The following ZBTB20 variants were observed in gnomAD, a reference collection of about 807,000 sequenced individuals.
ZBTB20 encodes the protein zinc finger and BTB domain containing 20, also known as zinc finger and BTB domain-containing protein 20.
A neutral mutation model predicts 56.9 loss-of-function variants in ZBTB20; 9 were observed. That is an observed-to-expected ratio of 0.16 (90% CI 0.10 to 0.28). ZBTB20 has a LOEUF of 0.28. ZBTB20 is among the 10% of genes least tolerant of loss of function. The probability of loss-of-function intolerance (pLI) is 1.00; values close to 1 mark genes in which losing one functional copy is unlikely to be tolerated. For missense variants in ZBTB20, 655 were observed against 1,003.0 expected, an observed-to-expected ratio of 0.65 and a Z score of 4.69; for synonymous variants, 417 against 420.7, an observed-to-expected ratio of 0.99 and a Z score of 0.11.
chr3:115,055,664 T>C (rs1178862295), intron 2 of ZBTB20, among the ~76,000 whole-genome samples: 1 of 152,092 alleles, frequency 6.6e-6, no homozygotes, highest in Non-Finnish European at 1.5e-5. Context: ...TAAAAAACAC[T>C]GTCCCTAGAA....
chr3:114,889,188 A>G (rs1392766784), intron 4 of ZBTB20, among the ~76,000 whole-genome samples: 2 of 151,996 alleles, frequency 1.3e-5, no homozygotes, highest in East Asian at 3.8e-4. Flanking sequence ...AATTGTATTC[A>G]TAATTTCCCT....
intron 3 of ZBTB20, among the ~76,000 whole-genome samples, chr3:114,946,313 T>C (rs1371086218): frequency 6.9e-6 from 1 of 145,706 alleles, no homozygotes; most frequent in African/African-American, 2.8e-5. Context: ...ATATAGAATA[T>C]CTTCTCTGAC....
At chr3:114,564,899 T>C (rs1166891451) in intron 6 of ZBTB20, among the ~76,000 whole-genome samples, 1 of 152,186 alleles carries the variant, frequency 6.6e-6, no homozygotes. Flanking sequence ...GAAATTCCCT[T>C]ATGTCACGCC....
chr3:114,592,306 C>G (rs570395318), intron 6 of ZBTB20, among the ~76,000 whole-genome samples: 33 of 152,232 alleles, frequency 2.2e-4, no homozygotes, highest in African/African-American at 7.9e-4. Flanking sequence ...TTCAGCAAAA[C>G]TTACATTGGG....
intron 5 of ZBTB20, among the ~76,000 whole-genome samples, chr3:114,792,389 CT>C (rs2071024210): frequency 6.6e-6 from 1 of 152,118 alleles, no homozygotes; most frequent in Non-Finnish European, 1.5e-5. Flanking sequence ...TATTTTTTAA[CT>C]GCCTTACTTT....
At chr3:114,462,265 TTC>T (rs1429463867) in intron 7 of ZBTB20, among the ~76,000 whole-genome samples, 2 of 152,168 alleles carry the variant, frequency 1.3e-5, no homozygotes, top group African/African-American at 2.4e-5. Context: ...AGATGTCCAA[TTC>T]TCCAGGCCAA....
chr3:115,132,349 G>T (rs2084531177), intron 1 of ZBTB20, among the ~76,000 whole-genome samples: 2 of 152,146 alleles, frequency 1.3e-5, no homozygotes, highest in African/African-American at 4.8e-5. Context: ...TTCCTCCAGA[G>T]CAGAGTTGTT....
chr3:115,018,050 C>G (rs958602041), intron 2 of ZBTB20, among the ~76,000 whole-genome samples: 1 of 151,246 alleles, frequency 6.6e-6, no homozygotes, highest in African/African-American at 2.4e-5. Context: ...TTTTTAATCT[C>G]TTAAAGTTGC....
intron 7 of ZBTB20, among the ~76,000 whole-genome samples, chr3:114,398,169 C>CT (rs1011443956): frequency 6.6e-6 from 1 of 152,106 alleles, no homozygotes; most frequent in African/African-American, 2.4e-5. Context: ...GTGAAGACTG[C>CT]TTTAGCCCAT....
chr3:115,061,743 C>T lies in ZBTB20; in HGVS notation c.-507+9476G>A, dbSNP rs138837192. 3.4e-3 allele frequency among the ~76,000 whole-genome samples: 523 copies of T among 152,158 alleles called. 7 individuals carry two copies. The highest frequency in any genetic ancestry group is 0.011 in the African/African-American group (475 of 41,520). ...ACACACACAAGAGACCAAAAAAAATCAGAACACATTTTCACAAACAGCTGA... is the reference window on the plus strand; with the variant it reads ...ACACACACAAGAGACCAAAAAAAATTAGAACACATTTTCACAAACAGCTGA... On this transcript the variant is annotated intron_variant, in intron 2 of 11. Transcript: ENST00000675478.
intron 7 of ZBTB20, among the ~76,000 whole-genome samples, chr3:114,405,368 G>A (rs1365559400): frequency 2.0e-5 from 3 of 152,138 alleles, no homozygotes; most frequent in African/African-American, 7.2e-5. Flanking sequence ...ATAGGAATGT[G>A]TATACAATTT....
intron 6 of ZBTB20, among the ~76,000 whole-genome samples, chr3:114,634,320 C>T (rs565089187): frequency 1.5e-4 from 23 of 152,184 alleles, no homozygotes; most frequent in South Asian, 6.2e-4. Context: ...TCAAATAATC[C>T]GATGTATCCT....
chr3:114,724,210 A>C (rs975890369), intron 5 of ZBTB20, among the ~76,000 whole-genome samples: 1 of 152,126 alleles, frequency 6.6e-6, no homozygotes, highest in Non-Finnish European at 1.5e-5. Flanking sequence ...GAAGTAGAGG[A>C]AAAGGAAGAC....
intron 5 of ZBTB20, among the ~76,000 whole-genome samples, chr3:114,763,924 C>T (rs964901964): frequency 3.3e-5 from 5 of 151,870 alleles, no homozygotes; most frequent in Admixed American, 1.3e-4. Flanking sequence ...AATATCAAAG[C>T]GTAAGAAGTA....
intron 8 of ZBTB20, among the ~76,000 whole-genome samples, chr3:114,384,723 T>G (rs1181060393): frequency 6.6e-6 from 1 of 152,232 alleles, no homozygotes; most frequent in Non-Finnish European, 1.5e-5. Context: ...CAAGAAGTTT[T>G]AGGCTGAAAC....
chr3:114,573,174 T>C (rs1019064914), intron 6 of ZBTB20, among the ~76,000 whole-genome samples: 11 of 151,880 alleles, frequency 7.2e-5, no homozygotes, highest in African/African-American at 2.2e-4. Flanking sequence ...CTAAAGAAAA[T>C]GAGGGCCAGG....
At chr3:114,459,994 G>A (rs143947349) in intron 7 of ZBTB20, among the ~76,000 whole-genome samples, 1 of 151,996 alleles carries the variant, frequency 6.6e-6, no homozygotes, top group Non-Finnish European at 1.5e-5. Context: ...AAATTCTCTG[G>A]TTCTCTCAGT....
At chr3:114,487,623 G>A (rs1055449877) in intron 7 of ZBTB20, among the ~76,000 whole-genome samples, 5 of 151,936 alleles carry the variant, frequency 3.3e-5, no homozygotes, top group Non-Finnish European at 5.9e-5. Flanking sequence ...CCTGACCCTC[G>A]GGAAGACTCG....
chr3:115,016,696 CT>C (rs2079976051), intron 2 of ZBTB20, among the ~76,000 whole-genome samples: 1 of 151,778 alleles, frequency 6.6e-6, no homozygotes, highest in Admixed American at 6.6e-5. Context: ...CAGTGCCATG[CT>C]GTTTTGGTTA....
Sources: allele counts gnomAD v4.1 joint callset (sites outside exome capture counted in the v4.1 genomes callset), GRCh38; gene constraint gnomAD v4.1.1; transcripts MANE v1.5; gene names NCBI Gene and HGNC (gene_info 2026-07-23, HGNC 2026-07-21).